C12orf42: variants seen among roughly 807,000 people sequenced by gnomAD.
C12orf42 encodes uncharacterized protein C12orf42.
C12orf42 carries 25 observed loss-of-function variants against 21.6 expected under a neutral mutation model. That is an observed-to-expected ratio of 1.16 (90% CI 0.84 to 1.62). The LOEUF is 1.62. Among genes scored for constraint, C12orf42 ranks in the 40% most tolerant of loss-of-function variants. The pLI is 0.00. For synonymous variants in C12orf42, 174 were observed against 175.0 expected, an observed-to-expected ratio of 0.99 and a Z score of 0.05; for missense variants, 483 against 459.3, an observed-to-expected ratio of 1.05 and a Z score of -0.47.
chr12:103,434,019 A>G (rs569224517), intron 2 of C12orf42, among the ~76,000 whole-genome samples: 1 of 152,320 alleles, frequency 6.6e-6, no homozygotes, highest in African/African-American at 2.4e-5. Flanking sequence ...TGAATGCTCT[A>G]CCAAACATGG....
At chr12:103,096,856 G>A in the C12orf42 span, among the ~76,000 whole-genome samples, 1 of 152,096 alleles carries the variant, frequency 6.6e-6, no homozygotes. Context: ...AGCTGGTAAA[G>A]GAAGAACCAG....
chr12:103,214,989 C>T, the C12orf42 span, among the ~76,000 whole-genome samples: 50,230 of 152,036 alleles, frequency 0.33, 9,246 homozygotes, highest in South Asian at 0.42. Context: ...ACATTCCTCT[C>T]GAGCAAGAAT....
the C12orf42 span, among the ~76,000 whole-genome samples, chr12:103,187,689 G>A: frequency 6.6e-6 from 1 of 152,050 alleles, no homozygotes; most frequent in Admixed American, 6.6e-5. Flanking sequence ...AGGTAATAAT[G>A]TCCTAAGTTA....
the C12orf42 span, among the ~76,000 whole-genome samples, chr12:103,199,914 C>T: frequency 1.3e-5 from 2 of 152,016 alleles, no homozygotes; most frequent in African/African-American, 4.8e-5. Flanking sequence ...ATTCAGAAAA[C>T]GGTTTGGAGG....
the C12orf42 span, among the ~76,000 whole-genome samples, chr12:103,210,428 T>A: frequency 6.6e-6 from 1 of 152,148 alleles, no homozygotes; most frequent in Non-Finnish European, 1.5e-5. Context: ...CACAGTTAGA[T>A]ACGTACATTT....
At chr12:103,320,814 C>CA (rs2040011991) in intron 4 of C12orf42, among the ~76,000 whole-genome samples, 1 of 152,172 alleles carries the variant, frequency 6.6e-6, no homozygotes, top group South Asian at 2.1e-4. Context: ...ATCTCCCTGT[C>CA]TACTGAATGA....
At chr12:103,421,976 T>C (rs1336985756) in intron 2 of C12orf42, among the ~76,000 whole-genome samples, 1 of 152,220 alleles carries the variant, frequency 6.6e-6, no homozygotes, top group Non-Finnish European at 1.5e-5. Flanking sequence ...TTCTAAAATG[T>C]ATTCATTGGA....
At chr12:103,402,603 G>T (rs2048095942) in intron 2 of C12orf42, among the ~76,000 whole-genome samples, 1 of 152,180 alleles carries the variant, frequency 6.6e-6, no homozygotes, top group Admixed American at 6.5e-5. Context: ...GGTGATTAGA[G>T]TCTAAAGCAG....
At chr12:103,436,055 G>A (rs1035650795) in intron 2 of C12orf42, among the ~76,000 whole-genome samples, 36 of 152,022 alleles carry the variant, frequency 2.4e-4, no homozygotes, top group Admixed American at 4.6e-4. Context: ...CGGATCTCTC[G>A]GCAGAAACCC....
chr12:103,180,158 T>G, the C12orf42 span, among the ~76,000 whole-genome samples: 4 of 151,968 alleles, frequency 2.6e-5, no homozygotes, highest in Admixed American at 6.6e-5. Flanking sequence ...AGGTGAAAAT[T>G]TACTTTTGGT....
At chr12:103,473,649 A>C (rs1953798723) in intron 2 of C12orf42, among the ~76,000 whole-genome samples, 1 of 152,224 alleles carries the variant, frequency 6.6e-6, no homozygotes, top group African/African-American at 2.4e-5. Flanking sequence ...TATGCCTTGC[A>C]AATGAGATTA....
the C12orf42 span, among the ~76,000 whole-genome samples, chr12:103,190,730 T>C: frequency 6.6e-6 from 1 of 152,022 alleles, no homozygotes; most frequent in Non-Finnish European, 1.5e-5. Context: ...GAAAAATGAA[T>C]GAAAATGAAT....
In C12orf42 at chr12:103,488,704, C is replaced by T. The variant is rs151221799; in HGVS notation, c.-22+7198G>A. Among the ~76,000 whole-genome samples the T allele has an allele frequency of 1.6e-4, 25 of 152,244 alleles. No individual in the cohort carries two copies. In the East Asian group the frequency reaches 4.8e-3, roughly 29 times the overall value. On this transcript the variant is annotated intron_variant, in intron 1 of 5. Coordinates refer to ENST00000548883, the MANE Select transcript of C12orf42 (RefSeq NM_198521.5). ...TCTCGCTTTATTTCATAAAGTTGAT[C>T]TTCAATCTCTGATACCGTTTCTTCC... is the stretch of plus-strand genomic sequence containing the variant.
intron 5 of C12orf42, among the ~76,000 whole-genome samples, chr12:103,305,508 G>A (rs1423423625): frequency 1.3e-5 from 2 of 152,160 alleles, no homozygotes; most frequent in Non-Finnish European, 2.9e-5. Context: ...TTTGAGCACA[G>A]TCAAAACTTA....
chr12:103,330,038 C>T (rs2041100677), intron 4 of C12orf42, among the ~76,000 whole-genome samples: 2 of 151,996 alleles, frequency 1.3e-5, no homozygotes, highest in African/African-American at 4.8e-5. Context: ...TGTTGTGGGA[C>T]CTCCTTTGCT....
chr12:103,137,297 C>T, the C12orf42 span, among the ~76,000 whole-genome samples: 5 of 151,208 alleles, frequency 3.3e-5, no homozygotes, highest in South Asian at 6.3e-4. Flanking sequence ...ACCAGGGAAA[C>T]GCAGATCAAA....
chr12:103,500,900 T>G (rs1047908786), upstream of C12orf42, among the ~76,000 whole-genome samples: 2 of 152,246 alleles, frequency 1.3e-5, no homozygotes, highest in Non-Finnish European at 2.9e-5. Flanking sequence ...AAAGAAACCT[T>G]CCTTGGACAT....
intron 2 of C12orf42, among the ~76,000 whole-genome samples, chr12:103,403,455 G>C (rs1300655561): frequency 2.0e-5 from 3 of 151,954 alleles, no homozygotes; most frequent in South Asian, 2.1e-4. Context: ...AAGGTGTGGA[G>C]CCAGAAGGAA....
the C12orf42 span, among the ~76,000 whole-genome samples, chr12:103,080,011 G>C: frequency 6.6e-6 from 1 of 152,136 alleles, no homozygotes; most frequent in Non-Finnish European, 1.5e-5. Flanking sequence ...GACGGCGGTA[G>C]AGTTGGCCTC....
Sources: gnomAD v4.1 joint callset for allele counts (sites outside exome capture counted in the v4.1 genomes callset) on GRCh38, gnomAD v4.1.1 for gene constraint, MANE v1.5 for transcripts, NCBI Gene and HGNC (gene_info 2026-07-23, HGNC 2026-07-21) for gene names.